The following CLYBL variants were observed in gnomAD, a reference collection of about 807,000 sequenced individuals.
The protein encoded by CLYBL is citramalyl-CoA lyase, mitochondrial.
A neutral mutation model predicts 38.9 loss-of-function variants in CLYBL; 31 were observed. The ratio of observed to expected loss-of-function variants is 0.80; its 90% confidence interval spans 0.60 to 1.08. CLYBL has a LOEUF of 1.08. Among genes scored for constraint, CLYBL ranks in the 50% least tolerant of loss-of-function variants. CLYBL has a pLI of 0.00. For synonymous variants in CLYBL, 171 were observed against 158.6 expected (o/e 1.08, Z -0.59); for missense variants, 434 against 411.6 (o/e 1.05, Z -0.47).
chr13:99,740,792 C>T (rs779815798), intron 1 of CLYBL, among the ~76,000 whole-genome samples: 2 of 152,144 alleles, frequency 1.3e-5, no homozygotes. Flanking sequence ...CCAGCTTGAC[C>T]TGGCAGCATT....
chr13:99,701,775 A>G (rs1470734603), intron 1 of CLYBL, among the ~76,000 whole-genome samples: 1 of 152,128 alleles, frequency 6.6e-6, no homozygotes, highest in Middle Eastern at 3.4e-3. Flanking sequence ...CCCAAGTTCT[A>G]GTGATTCTCC....
chr13:99,829,409 C>CT (rs2139067082), intron 2 of CLYBL, among the ~76,000 whole-genome samples: 1 of 152,308 alleles, frequency 6.6e-6, no homozygotes, highest in South Asian at 2.1e-4. Context: ...CCATCTGGGG[C>CT]TTTTTTCTCA....
chr13:99,685,477 C>G (rs984946559), intron 1 of CLYBL, among the ~76,000 whole-genome samples: 8 of 152,136 alleles, frequency 5.3e-5, no homozygotes, highest in African/African-American at 1.4e-4. Flanking sequence ...AAAAAATGAA[C>G]TTGACTGACA....
At chr13:99,884,666 G>T (rs545535949) in intron 7 of CLYBL, among the ~76,000 whole-genome samples, 4 of 152,194 alleles carry the variant, frequency 2.6e-5, no homozygotes, top group Non-Finnish European at 4.4e-5. Context: ...GCCTGCTGTC[G>T]TAAGTCCCTG....
At chr13:99,684,373 G>A (rs148608654) in intron 1 of CLYBL, among the ~76,000 whole-genome samples, 40 of 151,960 alleles carry the variant, frequency 2.6e-4, no homozygotes, top group African/African-American at 8.0e-4. Flanking sequence ...CACCGGGCCC[G>A]GCCCAGTATA....
chr13:99,788,034 T>C (rs1280034131), intron 2 of CLYBL, among the ~76,000 whole-genome samples: 2 of 152,220 alleles, frequency 1.3e-5, no homozygotes, highest in African/African-American at 4.8e-5. Context: ...GCTTGTGATT[T>C]TTGCACATTG....
intron 1 of CLYBL, among the ~76,000 whole-genome samples, chr13:99,710,974 G>T (rs1048936156): frequency 5.0e-5 from 7 of 140,876 alleles, no homozygotes; most frequent in African/African-American, 1.9e-4. Flanking sequence ...TGCAACCTCC[G>T]TCTCCTAGGT....
At chr13:99,763,583 T>G (rs2138746855) in intron 1 of CLYBL, among the ~76,000 whole-genome samples, 1 of 150,594 alleles carries the variant, frequency 6.6e-6, no homozygotes, top group African/African-American at 2.4e-5. Context: ...AGACAGAGTC[T>G]TGCTCTTGTT....
chr13:99,711,557 C>T (rs1483737006), intron 1 of CLYBL, among the ~76,000 whole-genome samples: 2 of 151,782 alleles, frequency 1.3e-5, no homozygotes, highest in Non-Finnish European at 2.9e-5. Flanking sequence ...CAGGCATGCA[C>T]CACCACGCCC....
intron 1 of CLYBL, among the ~76,000 whole-genome samples, chr13:99,713,588 CCTT>C (rs1353212132): frequency 6.6e-6 from 1 of 152,072 alleles, no homozygotes; most frequent in African/African-American, 2.4e-5. Context: ...GATCCGCCCT[CCTT>C]GGCCTTCCAA....
intron 1 of CLYBL, among the ~76,000 whole-genome samples, chr13:99,609,890 T>C (rs1223885163): frequency 1.3e-5 from 2 of 151,950 alleles, no homozygotes; most frequent in African/African-American, 4.8e-5. Context: ...GAAACATCGT[T>C]CTCATACTTT....
intron 2 of CLYBL, among the ~76,000 whole-genome samples, chr13:99,780,713 C>CT (rs11300050): frequency 0.032 from 3,920 of 124,216 alleles, 153 homozygotes; most frequent in African/African-American, 0.086. Context: ...AATCCATTGT[C>CT]TTTTTTTTTT....
At chr13:99,861,975 AC>A (rs1271733629) in intron 3 of CLYBL, among the ~76,000 whole-genome samples, 1 of 152,106 alleles carries the variant, frequency 6.6e-6, no homozygotes, top group Non-Finnish European at 1.5e-5. Flanking sequence ...CAGGGTGGTG[AC>A]CTGTGATGAT....
At chr13:99,763,752 A>C (rs545511303) in intron 1 of CLYBL, among the ~76,000 whole-genome samples, 9 of 151,992 alleles carry the variant, frequency 5.9e-5, no homozygotes, top group African/African-American at 1.9e-4. Flanking sequence ...ACGGAGTTTC[A>C]TCATGTTGGC....
At chr13:99,751,148 C>T (rs757757819) in intron 1 of CLYBL, among the ~76,000 whole-genome samples, 15 of 152,124 alleles carry the variant, frequency 9.9e-5, no homozygotes, top group South Asian at 4.2e-4. Flanking sequence ...CATATCCATA[C>T]GATGGAATAT....
chr13:99,656,452 A>G (rs1261486814), intron 1 of CLYBL, among the ~76,000 whole-genome samples: 1 of 152,168 alleles, frequency 6.6e-6, no homozygotes, highest in African/African-American at 2.4e-5. Context: ...AGATAGGTAT[A>G]TATATATGTT....
intron 7 of CLYBL, among the ~76,000 whole-genome samples, chr13:99,887,265 G>A (rs1020668956): frequency 1.3e-5 from 2 of 152,122 alleles, no homozygotes; most frequent in Non-Finnish European, 2.9e-5. Context: ...TCTGATTCAG[G>A]GGGTCACAGA....
intron 2 of CLYBL, among the ~76,000 whole-genome samples, chr13:99,813,494 A>C (rs992169409): frequency 2.0e-5 from 3 of 152,302 alleles, no homozygotes. Flanking sequence ...TTCAGTGTTC[A>C]TGGGGACAGT....
At chr13:99,631,424 A>G (rs1203630203) in intron 1 of CLYBL, among the ~76,000 whole-genome samples, 1 of 151,926 alleles carries the variant, frequency 6.6e-6, no homozygotes, top group African/African-American at 2.4e-5. Flanking sequence ...TTACATACAT[A>G]TATGTGTGTG....
Sources: gnomAD v4.1 joint callset for allele counts (sites outside exome capture counted in the v4.1 genomes callset) on GRCh38, gnomAD v4.1.1 for gene constraint, MANE v1.5 for transcripts, NCBI Gene and HGNC (gene_info 2026-07-23, HGNC 2026-07-21) for gene names.